The following BIRC2 variants were observed in gnomAD, a reference collection of about 807,000 sequenced individuals.
BIRC2 encodes baculoviral IAP repeat-containing protein 2.
In BIRC2, 18 loss-of-function variants were observed where a neutral mutation model predicts 60.9. That is an observed-to-expected ratio of 0.30 (90% CI 0.20 to 0.44). The LOEUF (loss-of-function observed/expected upper bound fraction) is 0.44. BIRC2 is among the 20% of genes least tolerant of loss of function. The pLI, the probability that BIRC2 is intolerant of heterozygous loss-of-function variation, is 1.00. For synonymous variants in BIRC2, 282 were observed against 247.7 expected (o/e 1.14, Z -1.30); for missense variants, 701 against 728.5 (o/e 0.96, Z 0.43).
chr11:102,366,258 C>T (rs1415103033), intron 5 of BIRC2, among the ~76,000 whole-genome samples: 1 of 152,178 alleles, frequency 6.6e-6, no homozygotes, highest in Non-Finnish European at 1.5e-5. Context: ...AGTTAGGCAT[C>T]ATCTCTGATT....
Position 102,352,600 on chromosome 11 carries a change from A to G in BIRC2, c.995+1657A>G, listed in dbSNP as rs1430806682. 1.2e-4 allele frequency among the ~76,000 whole-genome samples: 18 copies of G among 151,812 alleles called. 1 individual carries two copies. The highest frequency in any genetic ancestry group is 9.2e-4 in the Admixed American group (14 of 15,250). Reference sequence around the variant, plus strand: ...TAATTTTTTTGTATTTTTAGTAGAGACAGGGTTTTTAGTAGAGACAGGGTT... The same window carrying G: ...TAATTTTTTTGTATTTTTAGTAGAGGCAGGGTTTTTAGTAGAGACAGGGTT... On this transcript the variant is annotated intron_variant, in intron 3 of 8. Coordinates refer to ENST00000227758, the MANE Select transcript of BIRC2 (RefSeq NM_001166.5).
At chr11:102,353,874 C>T (rs183111361) in intron 3 of BIRC2, among the ~76,000 whole-genome samples, 5 of 152,200 alleles carry the variant, frequency 3.3e-5, no homozygotes, top group Middle Eastern at 3.4e-3. Context: ...ATTCTACTCT[C>T]TGTTTCTGTG....
Position 102,357,366 on chromosome 11 carries a change from CCTTT to C in BIRC2, c.996-5526_996-5523del, listed in dbSNP as rs530165876. 6.7e-3 allele frequency among the ~76,000 whole-genome samples: 1,016 copies of C among 151,576 alleles called. 12 individuals are homozygous for C. Among genetic ancestry groups the C allele is most frequent in the African/African-American group, 0.023 (929 of 41,236 alleles). On this transcript the variant is annotated intron_variant, in intron 3 of 8. Coordinates refer to ENST00000227758, the MANE Select transcript of BIRC2 (RefSeq NM_001166.5). ...TCCTCTTCCTTCTTCTCCTCCTCTT[CCTTT>C]CTTCTTCTTTCTTCTTCTTGATAGA... is the stretch of plus-strand genomic sequence containing the variant.
chr11:102,377,570 A>G lies in BIRC2; in HGVS notation c.1441A>G (p.Asn481Asp). The G allele has an allele frequency of 6.2e-7, 1 of 1,611,340 alleles. No individual in the cohort carries two copies. The highest frequency in any genetic ancestry group is 8.5e-7 in the Non-Finnish European group (1 of 1,178,740). The change falls in exon 7 of 9, where the codon AAT becomes GAT. Residue 481 changes from asparagine (N) to aspartate (D), a missense_variant. Physicochemically the swap from Asn to Asp is conservative, Grantham distance 23. Around this residue, in one of 4 missense-constraint regions of BIRC2, gnomAD observed 235 missense variants for 208.9 expected, o/e 1.12. Transcript: ENST00000227758. ...QLTCVLPILD[N>D]LLKANVINKQ... ...GACATGTGTGCTTCCTATCCTGGAT[A>G]ATCTTTTAAAGGCCAATGTAATTAA... is the stretch of plus-strand genomic sequence containing the variant.
chr11:102,376,466 G>A (rs1380648764), intron 6 of BIRC2, among the ~76,000 whole-genome samples: 1 of 152,126 alleles, frequency 6.6e-6, no homozygotes, highest in Non-Finnish European at 1.5e-5. Flanking sequence ...ATGTAAAAGG[G>A]GAAAGAAGAT....
intron 5 of BIRC2, among the ~76,000 whole-genome samples, chr11:102,364,174 T>TATATATATATACACACACACAC (rs1389968594): frequency 3.8e-5 from 3 of 78,120 alleles, no homozygotes; most frequent in African/African-American, 2.0e-4. Flanking sequence ...TATATATATA[T>TATATATATATACACACACACAC]ACACACACAC....
At position 102,351,128 on chromosome 11, in the gene BIRC2, G is replaced by T. The variant is rs576856408; in HGVS notation, c.995+185G>T. On this transcript the variant is annotated intron_variant, in intron 3 of 8. Transcript: ENST00000227758. ...GTTGAAAAATATTCTGCAGTCTTCTGTGTACTTTTGTAAGTCAGTTACAAG... is the reference window on the plus strand; with the variant it reads ...GTTGAAAAATATTCTGCAGTCTTCTTTGTACTTTTGTAAGTCAGTTACAAG... Among the ~76,000 whole-genome samples, 3 of 152,278 alleles carry T rather than the reference G, an allele frequency of 2.0e-5. No individual in the cohort carries two copies. In the East Asian group the frequency reaches 5.8e-4, roughly 29 times the overall value.
intron 5 of BIRC2, among the ~76,000 whole-genome samples, chr11:102,364,138 A>ATT (rs1484970212): frequency 4.8e-4 from 20 of 41,578 alleles, no homozygotes; most frequent in African/African-American, 1.4e-3. Context: ...GCTAATAAAT[A>ATT]TTATATATAT....
Position 102,350,288 on chromosome 11 carries a change from ATAG to A in BIRC2, c.438_440del (p.Ser147del), listed in dbSNP as rs910615926. 3.7e-6 allele frequency: 6 copies of A among 1,614,144 alleles called. No homozygotes were observed. In the African/African-American group the frequency reaches 4.0e-5, roughly 11 times the overall value. Reference sequence around the variant, plus strand: ...CATTCATTATCTCCCACCTTGGAACATAGTAGCTTGTTCAGTGGTTCTTACTCC... The same window carrying A: ...CATTCATTATCTCCCACCTTGGAACATAGCTTGTTCAGTGGTTCTTACTCC... On this transcript the variant is annotated inframe_deletion, in exon 2 of 9. Transcript: ENST00000227758.
rs11225224 is a variant in BIRC2, at chr11:102,359,522, G to A, written c.996-3374G>A. 7.2e-5 allele frequency among the ~76,000 whole-genome samples: 11 copies of A among 152,218 alleles called. No homozygotes were observed. In the East Asian group the frequency reaches 9.7e-4, roughly 13 times the overall value. On this transcript the variant is annotated intron_variant, in intron 3 of 8. Transcript: ENST00000227758. ...AACTCTTCAGCGTTTCTTGTAAGGC[G>A]CGTCCAGTGGTGATAAACTCCCTCA...
intron 3 of BIRC2, among the ~76,000 whole-genome samples, chr11:102,356,610 A>G (rs921305070): frequency 6.6e-6 from 1 of 151,722 alleles, no homozygotes; most frequent in Admixed American, 6.6e-5. Context: ...TTATCCTGAA[A>G]GGGTGTTGAA....
intron 7 of BIRC2, 38 bp from the exon 8 acceptor site, chr11:102,377,819 T>G (rs769623468): frequency 1.3e-6 from 2 of 1,596,336 alleles, no homozygotes; most frequent in East Asian, 4.5e-5. Context: ...CAGTTTTGTA[T>G]TTAGTAGAGT....
intron 6 of BIRC2, among the ~76,000 whole-genome samples, chr11:102,375,660 G>A (rs1361853316): frequency 2.0e-5 from 3 of 151,884 alleles, no homozygotes; most frequent in Non-Finnish European, 4.4e-5. Flanking sequence ...GATGCCTGTA[G>A]TCCCAGCTAT....
intron 5 of BIRC2, 21 bp from the exon 6 acceptor site, chr11:102,368,285 A>G (rs1409944603): frequency 6.2e-7 from 1 of 1,602,884 alleles, no homozygotes; most frequent in Non-Finnish European, 8.5e-7. Context: ...ATTTAATATT[A>G]GCATGTTTCT....
In BIRC2 at chr11:102,349,959, C is replaced by A; in HGVS notation, c.105C>A (p.Asn35Lys). 6.2e-7 allele frequency: 1 copy of A among 1,614,112 alleles called. No homozygotes were observed. Among genetic ancestry groups the A allele is most frequent in the Non-Finnish European group, 8.5e-7 (1 of 1,180,004 alleles). The change falls in exon 2 of 9, where the codon AAC (asparagine) becomes AAA (lysine). Residue 35 changes from asparagine (N) to lysine (K), a missense_variant. Asn to Lys is a moderately conservative substitution (Grantham distance 94). Transcript: ENST00000227758. ...TCTTGTCAGATTGGACAAACAGCAA[C>A]AAACAAAAAATGAAGTATGACTTTT... ...STILSDWTNS[N>K]KQKMKYDFSC...
rs1000831988 is a variant in BIRC2 at position 102,368,243 on chromosome 11, G to C, written c.1124-63G>C. On this transcript the variant is annotated intron_variant, in intron 5 of 8. Transcript: ENST00000227758. ...AAAGGATGAATAAAGATTGTGCCAT[G>C]ATACTTTTTTCCATAGGTTTATGTT... 3.3e-6 allele frequency: 5 copies of C among 1,532,404 alleles called. No homozygotes were observed. In the African/African-American group the frequency reaches 6.9e-5, roughly 21 times the overall value. The allele number at this position is 1,532,404 out of a possible 1,614,324, so 94.9% of individuals were successfully genotyped here. A position where few individuals can be genotyped will look rare whatever the true frequency, so the allele number is the denominator to read the frequency against.
intron 6 of BIRC2, among the ~76,000 whole-genome samples, chr11:102,373,467 CTT>C (rs979245055): frequency 2.7e-4 from 41 of 151,520 alleles, no homozygotes; most frequent in African/African-American, 9.0e-4. Context: ...GTTGAAAATT[CTT>C]TTCTTTAAGA....
In BIRC2 at chr11:102,375,306, C is replaced by T. The variant is rs555716439; in HGVS notation, c.1367-2190C>T. The stretch of plus-strand genomic sequence containing the variant: ...GCTGGCGAGACTAGTGTGCAAAAGA[C>T]AGGGTTAAAGGGCCAGCAGAGAGGC... On this transcript the variant is annotated intron_variant, in intron 6 of 8. Transcript: ENST00000227758. 2.6e-5 allele frequency among the ~76,000 whole-genome samples: 4 copies of T among 152,240 alleles called. No homozygotes were observed. In the East Asian group the frequency reaches 7.7e-4, roughly 29 times the overall value.
chr11:102,376,784 T>C (rs1423275902), intron 6 of BIRC2, among the ~76,000 whole-genome samples: 2 of 152,222 alleles, frequency 1.3e-5, no homozygotes, highest in Non-Finnish European at 2.9e-5. Flanking sequence ...TTGTGCCAGA[T>C]GCTTTACATG....
Sources: gnomAD v4.1 joint callset for allele counts (sites outside exome capture counted in the v4.1 genomes callset) on GRCh38, gnomAD v4.1.1 for gene constraint, gnomAD v4.1.1 regional missense constraint, MANE v1.5 for transcripts, NCBI Gene and HGNC (gene_info 2026-07-23, HGNC 2026-07-21) for gene names.